Variants in COBL observed in about 807,000 individuals in gnomAD.
The protein encoded by COBL is cordon-bleu WH2 repeat protein.
A neutral mutation model predicts 98.8 loss-of-function variants in COBL; 51 were observed. That is an observed-to-expected ratio of 0.52 (90% CI 0.41 to 0.65). COBL has a LOEUF of 0.65. Ranked by LOEUF, COBL falls within the 30% of genes least tolerant of loss-of-function variation. The pLI is 0.00. For missense variants in COBL, 1,617 were observed against 1,617.5 expected (o/e 1.00, Z 0.01); for synonymous variants, 634 against 651.7 (o/e 0.97, Z 0.41).
At chr7:51,213,476 C>T (rs1792679800) in intron 2 of COBL, among the ~76,000 whole-genome samples, 1 of 152,190 alleles carries the variant, frequency 6.6e-6, no homozygotes, top group Non-Finnish European at 1.5e-5. Flanking sequence ...AAACTGTCTT[C>T]CACAAAACCA....
At chr7:51,170,777 G>C (rs1787800098) in intron 5 of COBL, among the ~76,000 whole-genome samples, 1 of 151,926 alleles carries the variant, frequency 6.6e-6, no homozygotes, top group Admixed American at 6.6e-5. Flanking sequence ...TAGAAGGATG[G>C]GGAGAGATTG....
At chr7:51,149,063 A>G (rs1785312062) in intron 5 of COBL, among the ~76,000 whole-genome samples, 1 of 152,174 alleles carries the variant, frequency 6.6e-6, no homozygotes, top group Admixed American at 6.5e-5. Flanking sequence ...GGTTTGCTAT[A>G]AACCCCAAGC....
chr7:51,065,203 TGTGTGTGTGC>T, intron 7 of COBL: 1 of 703,410 alleles, frequency 1.4e-6, no homozygotes, highest in Non-Finnish European at 2.6e-6. Flanking sequence ...AGATGGGTTG[TGTGTGTGTGC>T]GTGTGTGTGT....
chr7:51,145,802 G>A (rs1167332681), intron 5 of COBL, among the ~76,000 whole-genome samples: 1 of 152,198 alleles, frequency 6.6e-6, no homozygotes, highest in African/African-American at 2.4e-5. Context: ...GCCAACATTT[G>A]TTTTCCTTTT....
At chr7:51,310,452 G>A (rs980381386) in intron 1 of COBL, among the ~76,000 whole-genome samples, 3 of 152,186 alleles carry the variant, frequency 2.0e-5, no homozygotes, top group African/African-American at 7.2e-5. Context: ...TAAGCAGAGG[G>A]CATTCTGAAT....
intron 2 of COBL, 68 bp downstream of exon 2, chr7:51,219,673 C>T (rs1452093303): frequency 1.3e-6 from 2 of 1,512,336 alleles, no homozygotes; most frequent in East Asian, 2.3e-5. Flanking sequence ...TCAACATCCG[C>T]CTTTCCATTC....
chr7:51,169,798 C>T (rs1787674977), intron 5 of COBL, among the ~76,000 whole-genome samples: 1 of 152,058 alleles, frequency 6.6e-6, no homozygotes, highest in Admixed American at 6.6e-5. Flanking sequence ...TGTCTATAGT[C>T]AATAATTACT....
intron 1 of COBL, among the ~76,000 whole-genome samples, chr7:51,246,982 C>A (rs531271877): frequency 1.3e-5 from 2 of 152,328 alleles, no homozygotes; most frequent in East Asian, 3.9e-4. Flanking sequence ...GTCACCATAG[C>A]CAACACAGAT....
chr7:51,206,632 T>C (rs982768005), intron 2 of COBL, among the ~76,000 whole-genome samples: 1 of 152,108 alleles, frequency 6.6e-6, no homozygotes, highest in Admixed American at 6.5e-5. Flanking sequence ...TAAATGACTA[T>C]CAATGGATGA....
chr7:51,164,786 C>A (rs1787132644), intron 5 of COBL, among the ~76,000 whole-genome samples: 1 of 151,866 alleles, frequency 6.6e-6, no homozygotes. Context: ...ATGAATCAAT[C>A]AAAAATGATA....
At chr7:51,061,453 T>C (rs1328350751) in intron 7 of COBL, among the ~76,000 whole-genome samples, 2 of 152,274 alleles carry the variant, frequency 1.3e-5, no homozygotes, top group Non-Finnish European at 2.9e-5. Flanking sequence ...TTCGGTTGTA[T>C]ACAGGACAGC....
At chr7:51,061,989 A>G (rs1477321000) in intron 7 of COBL, among the ~76,000 whole-genome samples, 1 of 151,110 alleles carries the variant, frequency 6.6e-6, no homozygotes, top group Non-Finnish European at 1.5e-5. Context: ...ACACTCATAA[A>G]TATATCCTAT....
At chr7:51,179,481 C>G (rs1186178883) in intron 5 of COBL, among the ~76,000 whole-genome samples, 4 of 152,206 alleles carry the variant, frequency 2.6e-5, no homozygotes, top group Non-Finnish European at 1.5e-5. Context: ...GCTGGGAATA[C>G]AGGTGTGAGC....
At chr7:51,271,575 C>A (rs2129164649) in intron 1 of COBL, among the ~76,000 whole-genome samples, 1 of 152,224 alleles carries the variant, frequency 6.6e-6, no homozygotes. Flanking sequence ...TTAAGAAAAA[C>A]AAAGGTGAGC....
rs768179389 is a variant in COBL, at chr7:51,026,662, C to T, written c.3388G>A (p.Ala1130Thr). 2.5e-6 allele frequency: 4 copies of T among 1,613,492 alleles called. No individual in the cohort carries two copies. The highest frequency in any genetic ancestry group is 3.3e-4 in the Middle Eastern group (2 of 6,084). The change falls in exon 11 of 13, where the codon GCA becomes ACA. Residue 1130 changes from alanine to threonine, a missense_variant. Around this residue, in one of 3 missense-constraint regions of COBL, gnomAD observed 1,304 missense variants for 1,282.0 expected, o/e 1.02. Transcript: ENST00000265136. ...GGCCTGCCCTCCCCGGTGTGTTCTG[C>T]CGTCTAGAATATTAACAGTGTCACA... The part of the protein sequence containing the change: ...AGGKDRLRKT[A>T]EHTGEGRPAK...
At chr7:51,181,706 A>G (rs942920731) in intron 5 of COBL, among the ~76,000 whole-genome samples, 3 of 152,184 alleles carry the variant, frequency 2.0e-5, no homozygotes, top group African/African-American at 7.2e-5. Flanking sequence ...ATGGTGAAAA[A>G]CAGCCCCTTG....
chr7:51,240,742 C>T (rs1795715722), intron 1 of COBL, among the ~76,000 whole-genome samples: 1 of 152,066 alleles, frequency 6.6e-6, no homozygotes, highest in Non-Finnish European at 1.5e-5. Context: ...GGGGTTTCAG[C>T]ATGTTGGCCA....
chr7:51,112,661 TG>T (rs1392153106), intron 6 of COBL, among the ~76,000 whole-genome samples: 3 of 152,292 alleles, frequency 2.0e-5, no homozygotes, highest in African/African-American at 7.2e-5. Flanking sequence ...TTTGCACCTT[TG>T]GGTCTCATCA....
intron 7 of COBL, among the ~76,000 whole-genome samples, chr7:51,046,059 TG>T (rs1228765528): frequency 1.7e-5 from 2 of 119,816 alleles, no homozygotes; most frequent in African/African-American, 1.0e-4. Context: ...CAGAAGCAGG[TG>T]GGGGTGGGGG....
Sources: allele counts gnomAD v4.1 joint callset (sites outside exome capture counted in the v4.1 genomes callset), GRCh38; gene constraint gnomAD v4.1.1; regional missense constraint gnomAD v4.1.1; transcripts MANE v1.5; gene names NCBI Gene and HGNC (gene_info 2026-07-23, HGNC 2026-07-21).